AFF3: variants seen among roughly 807,000 people sequenced by gnomAD.
AFF3 encodes AF4/FMR2 family member 3.
In AFF3, 32 loss-of-function variants were observed where a neutral mutation model predicts 129.7. That is an observed-to-expected ratio of 0.25 (90% CI 0.19 to 0.33). The LOEUF is 0.33. AFF3 is among the 10% of genes least tolerant of loss of function. The probability of loss-of-function intolerance (pLI) is 1.00; values close to 1 mark genes in which losing one functional copy is unlikely to be tolerated. For missense variants in AFF3, 1,373 were observed against 1,592.0 expected, an observed-to-expected ratio of 0.86 and a Z score of 2.34; for synonymous variants, 644 against 635.4, an observed-to-expected ratio of 1.01 and a Z score of -0.20.
intron 7 of AFF3, among the ~76,000 whole-genome samples, chr2:99,991,046 T>A (rs1177565666): frequency 6.6e-6 from 1 of 152,124 alleles, no homozygotes; most frequent in Non-Finnish European, 1.5e-5. Flanking sequence ...CGAACCTTTA[T>A]CTTTACCCGT....
At chr2:99,684,033 G>C (rs1674790848) in intron 11 of AFF3, among the ~76,000 whole-genome samples, 1 of 152,132 alleles carries the variant, frequency 6.6e-6, no homozygotes, top group Admixed American at 6.5e-5. Flanking sequence ...AGTCACGTGT[G>C]GGACACAGTC....
chr2:100,123,183 C>A (rs1242727700), intron 2 of AFF3, among the ~76,000 whole-genome samples: 1 of 152,178 alleles, frequency 6.6e-6, no homozygotes, highest in Non-Finnish European at 1.5e-5. Flanking sequence ...GCTTGGCCAA[C>A]CCAGGGATAA....
intron 7 of AFF3, among the ~76,000 whole-genome samples, chr2:99,987,419 C>G (rs542327462): frequency 6.6e-6 from 1 of 152,150 alleles, no homozygotes; most frequent in Non-Finnish European, 1.5e-5. Flanking sequence ...ATTAAGCTAA[C>G]GTTAGTTTAG....
chr2:99,747,830 T>A (rs1681295081), intron 9 of AFF3, among the ~76,000 whole-genome samples: 2 of 152,134 alleles, frequency 1.3e-5, no homozygotes, highest in Non-Finnish European at 2.9e-5. Flanking sequence ...GTTTTCTTGG[T>A]GGTACATTGA....
chr2:99,828,324 G>A (rs1170235790), intron 8 of AFF3, among the ~76,000 whole-genome samples: 1 of 152,212 alleles, frequency 6.6e-6, no homozygotes, highest in East Asian at 1.9e-4. Flanking sequence ...AGAGAGCATA[G>A]TTTGGTTACT....
intron 7 of AFF3, among the ~76,000 whole-genome samples, chr2:99,855,747 A>G (rs1690477501): frequency 6.6e-6 from 1 of 152,176 alleles, no homozygotes; most frequent in Non-Finnish European, 1.5e-5. Flanking sequence ...CTTAAGTCTG[A>G]GCTGCCAATG....
chr2:99,615,172 G>A (rs1363739650), intron 13 of AFF3, among the ~76,000 whole-genome samples: 1 of 152,180 alleles, frequency 6.6e-6, no homozygotes, highest in Non-Finnish European at 1.5e-5. Flanking sequence ...TGGGCAGCAT[G>A]GAAATGGCTG....
chr2:99,690,108 AC>A (rs1013937710), intron 11 of AFF3, among the ~76,000 whole-genome samples: 53 of 143,718 alleles, frequency 3.7e-4, no homozygotes, highest in South Asian at 1.4e-3. Flanking sequence ...AAACCCCCCC[AC>A]CCCCAAAAAA....
At chr2:99,638,136 T>C (rs1683839075) in intron 13 of AFF3, among the ~76,000 whole-genome samples, 1 of 151,536 alleles carries the variant, frequency 6.6e-6, no homozygotes, top group South Asian at 2.1e-4. Flanking sequence ...TGCAGTGGCA[T>C]GCTCTTGGCT....
At chr2:100,014,783 C>CTTTTTTTTT (rs60456923) in intron 4 of AFF3, among the ~76,000 whole-genome samples, 12 of 120,416 alleles carry the variant, frequency 1.0e-4, no homozygotes, top group Non-Finnish European at 1.4e-4. Context: ...ACCTTGCTTC[C>CTTTTTTTTT]TTTTTTTTTT....
intron 4 of AFF3, among the ~76,000 whole-genome samples, chr2:100,057,182 A>G (rs1371574598): frequency 6.6e-6 from 1 of 151,954 alleles, no homozygotes; most frequent in Non-Finnish European, 1.5e-5. Flanking sequence ...TTAGCCAGGC[A>G]TGGTGGCGGG....
At chr2:99,710,094 T>A (rs533907907) in intron 11 of AFF3, among the ~76,000 whole-genome samples, 26 of 152,342 alleles carry the variant, frequency 1.7e-4, no homozygotes, top group Non-Finnish European at 3.4e-4. Context: ...TATTCTAATG[T>A]TGTCTCCTTT....
intron 1 of AFF3, among the ~76,000 whole-genome samples, chr2:100,138,944 CAAAAA>C (rs34526914): frequency 1.7e-5 from 2 of 120,296 alleles, no homozygotes; most frequent in Non-Finnish European, 3.3e-5. Context: ...GACTCTGTCT[CAAAAA>C]AAAAAAAAAA....
At chr2:100,106,646 C>G in intron 2 of AFF3, 3 of 986,538 alleles carry the variant, frequency 3.0e-6, no homozygotes, top group Non-Finnish European at 3.6e-6. Flanking sequence ...GTGTCCTGTT[C>G]CCGTGCTCCT....
At chr2:99,748,330 G>A (rs1327724934) in intron 9 of AFF3, among the ~76,000 whole-genome samples, 3 of 152,172 alleles carry the variant, frequency 2.0e-5, no homozygotes, top group Admixed American at 1.3e-4. Context: ...GTAGGTGCCT[G>A]GGGAGGTCCA....
chr2:99,685,968 C>T (rs1262149980), intron 11 of AFF3, among the ~76,000 whole-genome samples: 1 of 151,998 alleles, frequency 6.6e-6, no homozygotes, highest in East Asian at 1.9e-4. Flanking sequence ...GCGGGCGGAT[C>T]ATGAGGTCAG....
rs1304538151 is a variant in AFF3 at position 99,545,485 on chromosome 2, A to G, written c.*5989T>C. 1 of 152,220 alleles carries G rather than the reference A, an allele frequency of 6.6e-6. No homozygotes were observed. The allele number at this position is 152,220 out of a possible 1,614,324, so 9.4% of individuals were successfully genotyped here. ...AAATCCTAAACATTGGTGCTATGTT[A>G]TATCATGTCTAGATCCAAGTATTTC... On this transcript the variant is annotated 3_prime_UTR_variant, in exon 25 of 25. Coordinates refer to ENST00000672756, the MANE Select transcript of AFF3 (RefSeq NM_001386135.1).
In AFF3 at chr2:99,571,327, T is replaced by A. The variant is rs534639536; in HGVS notation, c.2919-2412A>T. Among the ~76,000 whole-genome samples, 25 of 152,212 alleles carry A rather than the reference T, an allele frequency of 1.6e-4. No individual in the cohort carries two copies. The South Asian group carries it at 3.3e-3, about 20-fold the overall frequency. ...TCTTGCCCTGTTTTGTCACTAACAG[T>A]TCACTACTTCAAATGCATTTCATTA... On this transcript the variant is annotated intron_variant, in intron 18 of 24. Coordinates refer to ENST00000672756, the MANE Select transcript of AFF3 (RefSeq NM_001386135.1).
chr2:99,912,893 C>T (rs1394072536), intron 7 of AFF3, among the ~76,000 whole-genome samples: 1 of 152,152 alleles, frequency 6.6e-6, no homozygotes, highest in African/African-American at 2.4e-5. Flanking sequence ...TTCAGAGATG[C>T]ATGTGAAGGG....
Sources: allele counts gnomAD v4.1 joint callset (sites outside exome capture counted in the v4.1 genomes callset), GRCh38; gene constraint gnomAD v4.1.1; transcripts MANE v1.5; gene names NCBI Gene and HGNC (gene_info 2026-07-23, HGNC 2026-07-21).